The following PAFAH2 variants were observed in gnomAD, a reference collection of about 807,000 sequenced individuals.
The protein encoded by PAFAH2 is platelet-activating factor acetylhydrolase 2, cytoplasmic.
Under a neutral mutation model 49.0 loss-of-function variants are expected in PAFAH2, and 42 were observed. The ratio of observed to expected loss-of-function variants is 0.86; its 90% CI spans 0.67 to 1.11. The LOEUF (loss-of-function observed/expected upper bound fraction) is 1.11. Ranked by LOEUF, PAFAH2 falls within the 50% of genes least tolerant of loss-of-function variation. The pLI, the probability that PAFAH2 is intolerant of heterozygous loss-of-function variation, is 0.00. For missense variants in PAFAH2, 503 were observed against 501.8 expected, an observed-to-expected ratio of 1.00 and a Z score of -0.02; for synonymous variants, 184 against 181.3, an observed-to-expected ratio of 1.01 and a Z score of -0.12.
rs185428098 is a variant in PAFAH2, at chr1:25,960,190, T to C, written c.*1799A>G. On this transcript the variant is annotated 3_prime_UTR_variant, in exon 11 of 11. Transcript: ENST00000374282. ...GCTATGTCTCATGGGAATTCAAAGA[T>C]CCTCCCTCACAGCCTCAACGATCTG... 132 of 152,338 alleles carry C rather than the reference T, an allele frequency of 8.7e-4. No homozygotes were observed. The highest frequency in any genetic ancestry group is 1.5e-4 in the Non-Finnish European group (10 of 68,028). 9.4% of individuals were successfully genotyped at this position (152,338 alleles called of 1,614,324 possible). A position where few individuals can be genotyped will look rare whatever the true frequency, so the allele number is the denominator to read the frequency against.
At chr1:25,988,070 T>A (rs1207624819) in intron 4 of PAFAH2, among the ~76,000 whole-genome samples, 161 bp downstream of exon 4, 1 of 152,138 alleles carries the variant, frequency 6.6e-6, no homozygotes, top group Non-Finnish European at 1.5e-5. Flanking sequence ...GAAAAAGGCC[T>A]TCTGGGGAAG....
intron 1 of PAFAH2, among the ~76,000 whole-genome samples, chr1:25,992,122 G>C (rs1410657012): frequency 6.6e-6 from 1 of 151,964 alleles, no homozygotes; most frequent in Non-Finnish European, 1.5e-5. Context: ...TGAGAGACAG[G>C]GTCTTGCTAT....
At chr1:25,970,206 C>A (rs1209803188) in intron 10 of PAFAH2, among the ~76,000 whole-genome samples, 1 of 152,160 alleles carries the variant, frequency 6.6e-6, no homozygotes, top group Non-Finnish European at 1.5e-5. Flanking sequence ...ATGGCTCACA[C>A]CTGTAATCCC....
chr1:25,988,242 T>C lies in PAFAH2; in HGVS notation c.330A>G (p.Leu110=). 1 of 1,604,218 alleles carries C rather than the reference T, an allele frequency of 6.2e-7. No homozygotes were observed. The highest frequency in any genetic ancestry group is 1.1e-5 in the South Asian group (1 of 89,562). The change falls in exon 4 of 11, where the codon CTA becomes CTG. Residue 110 remains leucine, a synonymous_variant. Transcript: ENST00000374282. The part of the protein sequence containing the change: ...GYPLIIFSHG[L]GAFRTLYSAF... ...AAAGAAGCTCTTACCTGAAGGCTCC[T>C]AGGCCATGGGAGAAGATGATCAAGG...
chr1:25,964,202 C>T (rs11581726), intron 10 of PAFAH2: 4,954 of 152,382 alleles, frequency 0.033, 111 homozygotes, highest in Non-Finnish European at 0.052. Context: ...CTTCAGTGCT[C>T]GCTTTGGCAG....
chr1:25,978,395 T>C (rs750985496), intron 7 of PAFAH2, among the ~76,000 whole-genome samples: 1 of 152,184 alleles, frequency 6.6e-6, no homozygotes, highest in Non-Finnish European at 1.5e-5. Context: ...TTTCCCTCTT[T>C]TCATACACCT....
intron 1 of PAFAH2, among the ~76,000 whole-genome samples, chr1:25,993,320 T>C (rs1173523884): frequency 2.0e-5 from 3 of 152,178 alleles, no homozygotes; most frequent in Non-Finnish European, 2.9e-5. Flanking sequence ...AGTCAAAGCA[T>C]GTCTGGGTAA....
rs1284891974 is a variant in PAFAH2, at chr1:25,990,724, T to C, written c.90+3A>G. 2 of 1,612,274 alleles carry C rather than the reference T, an allele frequency of 1.2e-6. No individual in the cohort carries two copies. The highest frequency in any genetic ancestry group is 1.7e-6 in the Non-Finnish European group (2 of 1,178,466). On this transcript the variant is annotated splice_donor_region_variant and intron_variant, in intron 2 of 10. Transcript: ENST00000374282. ...CAGAAGAAAGGGAGCTGGGGACACT[T>C]ACCTGGAGATTCTGACCCTCCATCA... is the stretch of plus-strand genomic sequence containing the variant.
chr1:25,990,858 T>C lies in PAFAH2; in HGVS notation c.-42A>G. ...TCAAATGACTTGCCGGAGCTGAACT[T>C]GCTGGCTGGATGGGGGAACACAGAA... On this transcript the variant is annotated 5_prime_UTR_variant, in exon 2 of 11. Transcript: ENST00000374282. The C allele has an allele frequency of 6.5e-7, 1 of 1,540,134 alleles. No individual in the cohort carries two copies. The highest frequency in any genetic ancestry group is 9.0e-7 in the Non-Finnish European group (1 of 1,113,436).
intron 2 of PAFAH2, 127 bp from the exon 3 acceptor site, chr1:25,989,728 A>G: frequency 1.6e-6 from 1 of 630,144 alleles, no homozygotes; most frequent in Non-Finnish European, 2.5e-6. Context: ...TGAAGTTTCA[A>G]TTAGCATGCC....
At chr1:25,970,477 C>CAAACA (rs955784889) in intron 10 of PAFAH2, among the ~76,000 whole-genome samples, 11 of 152,248 alleles carry the variant, frequency 7.2e-5, no homozygotes, top group Admixed American at 2.0e-4. Flanking sequence ...GACTCCGTCT[C>CAAACA]AAACAAAACA....
intron 10 of PAFAH2, among the ~76,000 whole-genome samples, chr1:25,971,394 G>A (rs2049507128): frequency 6.6e-6 from 1 of 152,136 alleles, no homozygotes; most frequent in Non-Finnish European, 1.5e-5. Context: ...AGTGAGCAGT[G>A]GGAGCTGAAG....
intron 4 of PAFAH2, among the ~76,000 whole-genome samples, chr1:25,984,779 T>C (rs2049754662): frequency 6.6e-6 from 1 of 151,904 alleles, no homozygotes; most frequent in African/African-American, 2.4e-5. Context: ...GTTCTTAAGT[T>C]CCTTTTCACC....
chr1:25,979,957 T>A (rs868776453), intron 7 of PAFAH2, among the ~76,000 whole-genome samples: 1 of 152,208 alleles, frequency 6.6e-6, no homozygotes, highest in Non-Finnish European at 1.5e-5. Context: ...TGGACCTCAG[T>A]GCCCAGGGCA....
chr1:25,979,363 T>A (rs1475608945), intron 7 of PAFAH2, among the ~76,000 whole-genome samples: 1 of 151,074 alleles, frequency 6.6e-6, no homozygotes, highest in African/African-American at 2.4e-5. Flanking sequence ...TCACCGAGGC[T>A]GGAGTGCAGT....
At chr1:25,982,325 T>G in intron 7 of PAFAH2, 39 bp downstream of exon 7, 1 of 1,438,128 alleles carries the variant, frequency 7.0e-7, no homozygotes, top group Non-Finnish European at 9.8e-7. Context: ...GAGAAAACCC[T>G]GAATACTGGG....
At position 25,990,779 on chromosome 1, in the gene PAFAH2, G is replaced by A. The variant is rs201921366; in HGVS notation, c.38C>T (p.Thr13Ile). 36 of 1,614,046 alleles carry A rather than the reference G, an allele frequency of 2.2e-5. No homozygotes were observed. In the East Asian group the frequency reaches 8.0e-4, roughly 36 times the overall value. Residue 13 changes from threonine to isoleucine, a missense_variant, in exon 2 of 11, where the codon ACA becomes ATA. Transcript: ENST00000374282. ...CCCACAGCCTACGAGGTGGGGTCCT[G>A]TGACAGGTGGAAAGCCCACAGACTG... Reference protein sequence around the residue: ...VNQSVGFPPVTGPHLVGCGDV... With the variant: ...VNQSVGFPPVIGPHLVGCGDV...
intron 5 of PAFAH2, 23 bp from the exon 6 acceptor site, chr1:25,984,110 G>A: frequency 6.2e-7 from 1 of 1,613,092 alleles, no homozygotes; most frequent in Non-Finnish European, 8.5e-7. Flanking sequence ...CATCATCAGA[G>A]AGAAACCAGA....
intron 7 of PAFAH2, among the ~76,000 whole-genome samples, chr1:25,978,348 A>G: frequency 6.6e-6 from 1 of 152,064 alleles, no homozygotes; most frequent in Non-Finnish European, 1.5e-5. Flanking sequence ...CCCTAAGGAG[A>G]TTGCTTATAT....
Sources: allele counts gnomAD v4.1 joint callset (sites outside exome capture counted in the v4.1 genomes callset), GRCh38; gene constraint gnomAD v4.1.1; transcripts MANE v1.5; gene names NCBI Gene and HGNC (gene_info 2026-07-23, HGNC 2026-07-21).